PCLO: variants seen among roughly 807,000 people sequenced by gnomAD.
PCLO encodes protein piccolo.
A neutral mutation model predicts 427.5 loss-of-function variants in PCLO; 82 were observed. The observed-to-expected ratio is 0.19, with a 90% CI of 0.16 to 0.23. The LOEUF (loss-of-function observed/expected upper bound fraction) is 0.23, where lower values mean the gene tolerates loss of function less well. Ranked by LOEUF, PCLO falls within the 10% of genes least tolerant of loss-of-function variation. The pLI is 1.00. For missense variants in PCLO, 6,239 were observed against 6,115.9 expected (o/e 1.02, Z -0.67); for synonymous variants, 2,357 against 2,155.4 (o/e 1.09, Z -2.59).
chr7:83,126,028 A>C (rs1489636259), intron 3 of PCLO, among the ~76,000 whole-genome samples: 1 of 152,254 alleles, frequency 6.6e-6, no homozygotes, highest in Non-Finnish European at 1.5e-5. Flanking sequence ...CATATATAGC[A>C]TGGAATATTA....
chr7:82,784,848 T>C (rs11982147), intron 22 of PCLO, among the ~76,000 whole-genome samples: 53,204 of 152,024 alleles, frequency 0.35, 9,788 homozygotes, highest in African/African-American at 0.43. Flanking sequence ...GATTTTATTA[T>C]ATGTAGATCT....
intron 10 of PCLO, among the ~76,000 whole-genome samples, chr7:82,876,579 TA>T (rs1793379379): frequency 6.6e-6 from 1 of 152,038 alleles, no homozygotes; most frequent in African/African-American, 2.4e-5. Flanking sequence ...TCTAGCTAGT[TA>T]ATCTTTGGAT....
At chr7:83,061,723 A>G (rs1789547921) in intron 3 of PCLO, among the ~76,000 whole-genome samples, 1 of 152,160 alleles carries the variant, frequency 6.6e-6, no homozygotes, top group African/African-American at 2.4e-5. Context: ...TTAAACTGTG[A>G]ATTGTATTAC....
chr7:82,785,438 G>A (rs1241570884), intron 22 of PCLO, among the ~76,000 whole-genome samples: 1 of 152,128 alleles, frequency 6.6e-6, no homozygotes, highest in Non-Finnish European at 1.5e-5. Flanking sequence ...TGTGGTCCTA[G>A]GGTTGGGGAC....
chr7:83,100,994 G>T (rs937893188), intron 3 of PCLO, among the ~76,000 whole-genome samples: 2 of 151,810 alleles, frequency 1.3e-5, no homozygotes, highest in African/African-American at 4.8e-5. Context: ...GGATAATTTT[G>T]AACATAAAAT....
chr7:82,974,476 A>G (rs1328960303), intron 3 of PCLO, among the ~76,000 whole-genome samples: 2 of 152,178 alleles, frequency 1.3e-5, no homozygotes, highest in East Asian at 3.9e-4. Context: ...CTGGTAACCA[A>G]TGATGCGCTA....
intron 3 of PCLO, among the ~76,000 whole-genome samples, chr7:82,971,860 T>A (rs1021951388): frequency 1.3e-5 from 2 of 151,334 alleles, no homozygotes; most frequent in African/African-American, 4.8e-5. Flanking sequence ...CTAATCATCC[T>A]TGTGGATGCT....
intron 3 of PCLO, among the ~76,000 whole-genome samples, chr7:83,071,627 T>C (rs868688875): frequency 1.3e-5 from 2 of 152,156 alleles, no homozygotes; most frequent in Admixed American, 6.6e-5. Flanking sequence ...TGCTTTTTAA[T>C]TAGACAATAA....
intron 20 of PCLO, among the ~76,000 whole-genome samples, chr7:82,811,449 G>C (rs1791568591): frequency 6.6e-6 from 1 of 151,172 alleles, no homozygotes. Flanking sequence ...TTTACTAAAG[G>C]GATTTTGCAG....
At chr7:83,101,860 TG>T (rs1240471773) in intron 3 of PCLO, among the ~76,000 whole-genome samples, 1 of 152,150 alleles carries the variant, frequency 6.6e-6, no homozygotes, top group Non-Finnish European at 1.5e-5. Context: ...GACATCTAAA[TG>T]CTCCACTGAT....
chr7:83,059,113 A>G (rs1288081671), intron 3 of PCLO, among the ~76,000 whole-genome samples: 1 of 150,708 alleles, frequency 6.6e-6, no homozygotes, highest in Non-Finnish European at 1.5e-5. Flanking sequence ...TACATACTAT[A>G]TATGAGATAT....
At position 83,156,173 on chromosome 7, in the gene PCLO, G is replaced by A. The variant is rs780568651; in HGVS notation, c.468C>T (p.Phe156=). The A allele has an allele frequency of 3.1e-6, 5 of 1,613,646 alleles. No individual in the cohort carries two copies. In the South Asian group the frequency reaches 3.3e-5, roughly 11 times the overall value. ...CACTTAAAGCGTTAACCTCTGAGAG[G>A]AAGCCAGGCATCATACTAGACTTGT... is the stretch of plus-strand genomic sequence containing the variant. ...EEHKSSMMPG[F]LSEVNALSAV... is the part of the protein sequence containing the mutation. The change falls in exon 2 of 25, where the codon TTC becomes TTT. Residue 156 remains phenylalanine (F), a synonymous_variant. Transcript: ENST00000333891.
At chr7:82,815,413 A>G (rs540343259) in intron 20 of PCLO, among the ~76,000 whole-genome samples, 1 of 152,194 alleles carries the variant, frequency 6.6e-6, no homozygotes, top group South Asian at 2.1e-4. Flanking sequence ...CTTTAAAACA[A>G]AAACTACATA....
At chr7:82,857,619 T>C (rs1193533709) in intron 10 of PCLO, among the ~76,000 whole-genome samples, 1 of 152,088 alleles carries the variant, frequency 6.6e-6, no homozygotes, top group Non-Finnish European at 1.5e-5. Context: ...TTTTATAACA[T>C]AATTTGACAG....
intron 3 of PCLO, among the ~76,000 whole-genome samples, chr7:82,980,479 T>A (rs1402450512): frequency 6.6e-6 from 1 of 152,142 alleles, no homozygotes; most frequent in Non-Finnish European, 1.5e-5. Flanking sequence ...ATTGAGCCTG[T>A]CATCTTGGAA....
intron 3 of PCLO, among the ~76,000 whole-genome samples, chr7:83,130,903 G>A (rs1401162720): frequency 1.3e-5 from 2 of 152,128 alleles, no homozygotes; most frequent in Non-Finnish European, 2.9e-5. Context: ...ATGACTCCAG[G>A]ACTTCCTGAA....
At position 83,155,150 on chromosome 7, in the gene PCLO, T is replaced by C. The variant is rs1792241756; in HGVS notation, c.1491A>G (p.Ala497=). 6 of 1,514,858 alleles carry C rather than the reference T, an allele frequency of 4.0e-6. No homozygotes were observed. The South Asian group carries it at 4.8e-5, about 12-fold the overall frequency. The allele number at this position is 1,514,858 out of a possible 1,614,324, so 93.8% of individuals were successfully genotyped here. A position where few individuals can be genotyped will look rare whatever the true frequency, so the allele number is the denominator to read the frequency against. ...AGCCAGGCTGTTGAGATGGGGGCTTTGCTGAGCCAGGCTGTTGAGGTGGGG... is the reference window on the plus strand; with the variant it reads ...AGCCAGGCTGTTGAGATGGGGGCTTCGCTGAGCCAGGCTGTTGAGGTGGGG... ...AKPPPQQPGS[A]KPPSQQPGST... Residue 497 remains alanine, a synonymous_variant, in exon 2 of 25, where the codon GCA becomes GCG. Transcript: ENST00000333891.
intron 20 of PCLO, chr7:82,820,615 C>T (rs1196307661): frequency 8.1e-7 from 1 of 1,229,670 alleles, no homozygotes; most frequent in African/African-American, 1.6e-5. Context: ...GAACTTTCAC[C>T]ATGTAAAGGT....
chr7:82,801,659 G>C, intron 21 of PCLO, 68 bp from the exon 22 acceptor site: 1 of 936,010 alleles, frequency 1.1e-6, no homozygotes, highest in Non-Finnish European at 1.7e-6. Context: ...GGCTAAATTT[G>C]CATAAATAAA....
Sources: gnomAD v4.1 joint callset for allele counts (sites outside exome capture counted in the v4.1 genomes callset) on GRCh38, gnomAD v4.1.1 for gene constraint, MANE v1.5 for transcripts, NCBI Gene and HGNC (gene_info 2026-07-23, HGNC 2026-07-21) for gene names.